KLK5: variants seen among roughly 807,000 people sequenced by gnomAD.
KLK5 encodes kallikrein related peptidase 5.
Under a neutral mutation model 24.0 loss-of-function variants are expected in KLK5, and 18 were observed. The observed-to-expected ratio is 0.75, with a 90% CI of 0.52 to 1.11. The LOEUF (loss-of-function observed/expected upper bound fraction) is 1.11, where lower values mean the gene tolerates loss of function less well. Among genes scored for constraint, KLK5 ranks in the 50% most tolerant of loss-of-function variants. The probability of loss-of-function intolerance (pLI) is 0.00; values close to 1 mark genes in which losing one functional copy is unlikely to be tolerated. For synonymous variants in KLK5, 140 were observed against 154.0 expected, an observed-to-expected ratio of 0.91 and a Z score of 0.67; for missense variants, 374 against 379.2, an observed-to-expected ratio of 0.99 and a Z score of 0.11.
chr19:50,949,799 ACC>A, intron 3 of KLK5, 54 bp downstream of exon 3: 1 of 73,126 alleles, frequency 1.4e-5, no homozygotes, highest in Non-Finnish European at 2.4e-5. Context: ...CCACTTCCCC[ACC>A]CCCACCCCCA....
chr19:50,946,487 G>A (rs2090635481), intron 5 of KLK5, among the ~76,000 whole-genome samples: 1 of 151,792 alleles, frequency 6.6e-6, no homozygotes, highest in South Asian at 2.1e-4. Context: ...GGAAAAACAA[G>A]ATACTAACCT....
rs762909127 is a variant in KLK5 at position 50,949,946 on chromosome 19, CCT to C, written c.242_243del (p.Gln81ArgfsTer47). 6.2e-7 allele frequency: 1 copy of C among 1,613,792 alleles called. No individual in the cohort carries two copies. Among genetic ancestry groups the C allele is most frequent in the East Asian group, 2.2e-5 (1 of 44,874 alleles). On this transcript the variant is annotated frameshift_variant, in exon 3 of 6. Transcript: ENST00000336334. LOFTEE classifies it high-confidence loss of function. ...TGGTTGGGCCTTAGCAACAGCGCGG[CCT>C]GCCACGGCTGGGTGTGCATATCGCA... ...SDCDMHTQPW[Q>X]AALLLRPNQL...
At chr19:50,944,540 C>G (rs1326895462) in intron 5 of KLK5, among the ~76,000 whole-genome samples, 1 of 152,164 alleles carries the variant, frequency 6.6e-6, no homozygotes, top group Non-Finnish European at 1.5e-5. Context: ...ACTGGACACA[C>G]ACCTTCCTTC....
rs1261933194 is a variant in KLK5 at position 50,943,644 on chromosome 19, T to C, written c.869A>G (p.Gln290Arg). The change falls in exon 6 of 6, where the codon CAG becomes CGG. Residue 290 changes from glutamine to arginine, a missense_variant. Coordinates refer to ENST00000336334, the MANE Select transcript of KLK5 (RefSeq NM_012427.5). Reference sequence around the variant, plus strand: ...TCCTGGGATGACTCAGGAGTTGGCCTGGATGGTTTCCTGGATCCACTTGGT... The same window carrying C: ...TCCTGGGATGACTCAGGAGTTGGCCCGGATGGTTTCCTGGATCCACTTGGT... ...KFTKWIQETI[Q>R]ANS 6.2e-7 allele frequency: 1 copy of C among 1,613,894 alleles called. No homozygotes were observed. Among genetic ancestry groups the C allele is most frequent in the East Asian group, 2.2e-5 (1 of 44,860 alleles).
chr19:50,950,890 C>CAG lies in KLK5; in HGVS notation c.74-775_74-774insCT, dbSNP rs1555778953. On this transcript the variant is annotated intron_variant, in intron 2 of 5. Transcript: ENST00000336334. ...CTGGGAGAGAGAGCAAGACTGTCTCCAAAAAAAAAAAAAAAAAAGCTCTGA... is the reference window on the plus strand; with the variant it reads ...CTGGGAGAGAGAGCAAGACTGTCTCCAGAAAAAAAAAAAAAAAAAAGCTCTGA... 1.2e-4 allele frequency among the ~76,000 whole-genome samples: 12 copies of CAG among 99,996 alleles called. 1 individual carries two copies. Among genetic ancestry groups the CAG allele is most frequent in the African/African-American group, 4.5e-4 (11 of 24,438 alleles). The allele number at this position is 99,996 out of a possible 152,430, so 65.6% of individuals were successfully genotyped here. A position where few individuals can be genotyped will look rare whatever the true frequency, so the allele number is the denominator to read the frequency against.
In KLK5 at chr19:50,943,341, C is replaced by A; in HGVS notation, c.*290G>T. On this transcript the variant is annotated 3_prime_UTR_variant, in exon 6 of 6. Transcript: ENST00000336334. ...TTTATTTCTGGGACTAAATTTGGGT[C>A]AGAGCTGCAGAGAAGGGATGGGCCC... is the stretch of plus-strand genomic sequence containing the variant. 1 of 270,948 alleles carries A rather than the reference C, an allele frequency of 3.7e-6. No individual in the cohort carries two copies. The highest frequency in any genetic ancestry group is 6.9e-6 in the Non-Finnish European group (1 of 144,182). 16.8% of individuals were successfully genotyped at this position (270,948 alleles called of 1,614,324 possible).
chr19:50,951,547 C>G (rs2090687845), intron 2 of KLK5, among the ~76,000 whole-genome samples: 1 of 152,202 alleles, frequency 6.6e-6, no homozygotes, highest in Non-Finnish European at 1.5e-5. Context: ...GCTGGGATTA[C>G]AGGCGTGAGC....
chr19:50,950,137 GGGCGGGGCTCAGA>G (rs200168079), intron 2 of KLK5, 21 bp from the exon 3 acceptor site: 39,448 of 1,600,168 alleles, frequency 0.025, 648 homozygotes, highest in Non-Finnish European at 0.029. Context: ...AAAATGGGTT[GGGCGGGGCTCAGA>G]GGCGGGGCTT....
chr19:50,950,469 G>A (rs981700660), intron 2 of KLK5, among the ~76,000 whole-genome samples: 1 of 152,144 alleles, frequency 6.6e-6, no homozygotes, highest in African/African-American at 2.4e-5. Flanking sequence ...GGGCTTTAGG[G>A]ATGGAACTGG....
At chr19:50,948,807 A>G (rs754802095) in intron 4 of KLK5, 34 bp from the exon 5 acceptor site, 26 of 1,614,076 alleles carry the variant, frequency 1.6e-5, no homozygotes, top group Non-Finnish European at 2.0e-5. Flanking sequence ...AAGTGGAGAA[A>G]GATGGAAGGC....
At chr19:50,948,085 G>A (rs1201013020) in intron 5 of KLK5, among the ~76,000 whole-genome samples, 3 of 151,644 alleles carry the variant, frequency 2.0e-5, no homozygotes, top group Non-Finnish European at 4.4e-5. Flanking sequence ...GATACATTGG[G>A]TTATTAAAGT....
chr19:50,950,681 T>C (rs2090679173), intron 2 of KLK5, among the ~76,000 whole-genome samples: 1 of 151,800 alleles, frequency 6.6e-6, no homozygotes, highest in East Asian at 1.9e-4. Context: ...CACCTGAGGT[T>C]GGGAGTTTGA....
intron 2 of KLK5, among the ~76,000 whole-genome samples, chr19:50,951,037 G>A (rs1451219169): frequency 6.6e-6 from 1 of 152,108 alleles, no homozygotes; most frequent in Non-Finnish European, 1.5e-5. Context: ...AAAGGAGGTG[G>A]GGTCAGAGCT....
At chr19:50,951,334 G>A (rs542571788) in intron 2 of KLK5, among the ~76,000 whole-genome samples, 1 of 151,544 alleles carries the variant, frequency 6.6e-6, no homozygotes, top group East Asian at 1.9e-4. Flanking sequence ...GTGCAATGGC[G>A]CGATCTCGGC....
intron 3 of KLK5, among the ~76,000 whole-genome samples, 186 bp downstream of exon 3, chr19:50,949,669 A>G (rs906312339): frequency 7.5e-6 from 1 of 133,464 alleles, no homozygotes; most frequent in Non-Finnish European, 1.6e-5. Context: ...TCCTATCCCC[A>G]ACTCGACCTC....
In KLK5 at chr19:50,947,826, T is replaced by C. The variant is rs2090649054; in HGVS notation, c.726+814A>G. The stretch of plus-strand genomic sequence containing the variant: ...TATTAGATATGGTATCTTTATGCAG[T>C]GCACAACCTGCCCAACCATACAAAA... On this transcript the variant is annotated intron_variant, in intron 5 of 5. Coordinates refer to ENST00000336334, the MANE Select transcript of KLK5 (RefSeq NM_012427.5). The surrounding 1 kb of genome is among the most constrained non-coding windows in gnomAD (Gnocchi z 8.7). Among the ~76,000 whole-genome samples the C allele has an allele frequency of 6.6e-6, 1 of 152,206 alleles. No homozygotes were observed. The highest frequency in any genetic ancestry group is 2.1e-4 in the South Asian group (1 of 4,832).
Position 50,949,748 on chromosome 19 carries a change from C to G in KLK5, c.335+107G>C. 7.8e-6 allele frequency: 3 copies of G among 385,002 alleles called. 1 individual carries two copies. Among genetic ancestry groups the G allele is most frequent in the South Asian group, 4.9e-5 (2 of 40,744 alleles). The allele number at this position is 385,002 out of a possible 1,614,324, so 23.8% of individuals were successfully genotyped here. On this transcript the variant is annotated intron_variant, in intron 3 of 5. Transcript: ENST00000336334. ...TTCCATGACACCCCCAACCCCACTT[C>G]CCCGTCCCCACCAGCCCTCACCTCC...
chr19:50,943,877 G>T, intron 5 of KLK5, 91 bp from the exon 6 acceptor site: 1 of 987,826 alleles, frequency 1.0e-6, no homozygotes, highest in Non-Finnish European at 1.5e-6. Flanking sequence ...CCCATAGATG[G>T]AGAAGCAGAT....
At chr19:50,950,173 G>A in intron 2 of KLK5, 57 bp from the exon 3 acceptor site, 2 of 1,561,468 alleles carry the variant, frequency 1.3e-6, no homozygotes, top group Non-Finnish European at 1.7e-6. Flanking sequence ...GCTGGGGGTG[G>A]GTTTCAGACT....
Sources: allele counts gnomAD v4.1 joint callset (sites outside exome capture counted in the v4.1 genomes callset), GRCh38; gene constraint gnomAD v4.1.1; non-coding constraint Gnocchi (gnomAD v3.1); transcripts MANE v1.5; gene names NCBI Gene and HGNC (gene_info 2026-07-23, HGNC 2026-07-21).